Variants in GRID2 observed in about 807,000 individuals in gnomAD.
GRID2 encodes the protein glutamate ionotropic receptor delta type subunit 2.
A neutral mutation model predicts 114.8 loss-of-function variants in GRID2; 33 were observed. The observed-to-expected ratio is 0.29, with a 90% CI of 0.22 to 0.38. GRID2 has a LOEUF of 0.38. Among genes scored for constraint, GRID2 ranks in the 10% least tolerant of loss-of-function variants. The pLI is 1.00. For missense variants in GRID2, 1,184 were observed against 1,257.7 expected, an observed-to-expected ratio of 0.94 and a Z score of 0.89; for synonymous variants, 505 against 449.9, an observed-to-expected ratio of 1.12 and a Z score of -1.55.
At position 93,668,200 on chromosome 4, in the gene GRID2, TTC is replaced by T. The variant is rs540504105; in HGVS notation, c.2360+41769_2360+41770del. Among the ~76,000 whole-genome samples, 752 of 152,140 alleles carry T rather than the reference TTC, an allele frequency of 4.9e-3. 5 individuals are homozygous for T. Among genetic ancestry groups the T allele is most frequent in the African/African-American group, 0.017 (720 of 41,564 alleles). ...AGCTTTTCACTCAAGCATTACACATTTCTCTGTCTTTATAAACAGAGTATTTT... is the reference window on the plus strand; with the variant it reads ...AGCTTTTCACTCAAGCATTACACATTTCTGTCTTTATAAACAGAGTATTTT... On this transcript the variant is annotated intron_variant, in intron 14 of 15. Transcript: ENST00000282020.
intron 4 of GRID2, among the ~76,000 whole-genome samples, chr4:93,199,679 T>C (rs1260177970): frequency 6.6e-6 from 1 of 152,038 alleles, no homozygotes; most frequent in Non-Finnish European, 1.5e-5. Context: ...AGAAGACAGT[T>C]GAGGATCCAT....
chr4:93,763,872 C>T (rs1175287635), intron 14 of GRID2, among the ~76,000 whole-genome samples: 2 of 152,092 alleles, frequency 1.3e-5, no homozygotes, highest in Non-Finnish European at 2.9e-5. Flanking sequence ...TCTTAGGTAA[C>T]CAGTAACCAG....
At chr4:92,495,713 AC>A (rs1723355479) in intron 1 of GRID2, among the ~76,000 whole-genome samples, 1 of 151,922 alleles carries the variant, frequency 6.6e-6, no homozygotes, top group Non-Finnish European at 1.5e-5. Flanking sequence ...TATAAATAAA[AC>A]ATTACAAAAT....
intron 1 of GRID2, among the ~76,000 whole-genome samples, chr4:92,308,816 T>G (rs543543761): frequency 7.2e-5 from 11 of 152,152 alleles, no homozygotes; most frequent in African/African-American, 2.6e-4. Context: ...TTTTTTGGAT[T>G]GTGTAAGATG....
At chr4:93,620,360 A>T (rs1742100283) in intron 13 of GRID2, among the ~76,000 whole-genome samples, 2 of 152,186 alleles carry the variant, frequency 1.3e-5, no homozygotes, top group Non-Finnish European at 2.9e-5. Context: ...TGAGCTTTTA[A>T]GAAATTTACT....
intron 2 of GRID2, among the ~76,000 whole-genome samples, chr4:92,593,856 T>A (rs1328624168): frequency 6.7e-6 from 1 of 149,062 alleles, no homozygotes; most frequent in Non-Finnish European, 1.5e-5. Context: ...TCTTGACAAT[T>A]TTTTTTTTCA....
chr4:93,419,957 A>T (rs566246307), intron 9 of GRID2, among the ~76,000 whole-genome samples: 1 of 152,254 alleles, frequency 6.6e-6, no homozygotes, highest in South Asian at 2.1e-4. Flanking sequence ...CCTATGCAAT[A>T]ATTAAATTCA....
chr4:92,911,903 A>G (rs929709599), intron 2 of GRID2, among the ~76,000 whole-genome samples: 1 of 151,854 alleles, frequency 6.6e-6, no homozygotes, highest in East Asian at 1.9e-4. Flanking sequence ...TATTAGAGAT[A>G]ACAAAATATA....
chr4:92,689,876 C>T (rs564874510), intron 2 of GRID2, among the ~76,000 whole-genome samples: 72 of 152,270 alleles, frequency 4.7e-4, no homozygotes, highest in Non-Finnish European at 8.5e-4. Context: ...TCTGTAGCTT[C>T]CTTACCTCAC....
intron 2 of GRID2, among the ~76,000 whole-genome samples, chr4:93,008,228 T>C (rs1578738274): frequency 6.6e-6 from 1 of 151,880 alleles, no homozygotes; most frequent in Admixed American, 6.6e-5. Context: ...AAAATGAGGG[T>C]GACTAAATTC....
At chr4:93,219,844 T>C (rs891167425) in intron 6 of GRID2, among the ~76,000 whole-genome samples, 1 of 151,994 alleles carries the variant, frequency 6.6e-6, no homozygotes, top group Non-Finnish European at 1.5e-5. Flanking sequence ...CTAAGAAAAA[T>C]TGTCTTCAAA....
At chr4:93,202,263 A>G (rs1000351374) in intron 4 of GRID2, among the ~76,000 whole-genome samples, 42 of 152,136 alleles carry the variant, frequency 2.8e-4, no homozygotes, top group African/African-American at 8.7e-4. Flanking sequence ...AATAATCGAA[A>G]ACTTTTTGAA....
chr4:92,442,494 G>T (rs1031927266), intron 1 of GRID2, among the ~76,000 whole-genome samples: 2 of 152,096 alleles, frequency 1.3e-5, no homozygotes, highest in Admixed American at 6.5e-5. Flanking sequence ...GGAAGTTCTT[G>T]TGTGCTGGAG....
chr4:92,458,522 C>A (rs1447515553), intron 1 of GRID2, among the ~76,000 whole-genome samples: 1 of 152,098 alleles, frequency 6.6e-6, no homozygotes, highest in Non-Finnish European at 1.5e-5. Flanking sequence ...CAGGCTCCAC[C>A]ATTTTTTGTG....
intron 8 of GRID2, among the ~76,000 whole-genome samples, chr4:93,273,123 T>C (rs1168094246): frequency 6.6e-6 from 1 of 152,250 alleles, no homozygotes; most frequent in Non-Finnish European, 1.5e-5. Context: ...TATGTATTTA[T>C]GCAGTTATTG....
intron 2 of GRID2, among the ~76,000 whole-genome samples, chr4:93,048,429 T>C (rs929801475): frequency 2.0e-5 from 3 of 152,092 alleles, no homozygotes; most frequent in Non-Finnish European, 2.9e-5. Context: ...CTTCTCAGGA[T>C]ACCTTCTCAG....
intron 13 of GRID2, among the ~76,000 whole-genome samples, chr4:93,548,324 C>T (rs1733425794): frequency 6.6e-6 from 1 of 152,170 alleles, no homozygotes; most frequent in Non-Finnish European, 1.5e-5. Flanking sequence ...GAAGTACATA[C>T]TAGAAAATGT....
chr4:93,368,860 G>T (rs533753238), intron 8 of GRID2, among the ~76,000 whole-genome samples: 8 of 152,274 alleles, frequency 5.3e-5, no homozygotes, highest in African/African-American at 1.9e-4. Context: ...AAGTCGTAGT[G>T]AGTTGGCAAG....
chr4:92,530,462 G>A (rs942015615), intron 1 of GRID2, among the ~76,000 whole-genome samples: 2 of 142,144 alleles, frequency 1.4e-5, no homozygotes, highest in Non-Finnish European at 3.0e-5. Flanking sequence ...AGTGAGAATA[G>A]TGGAAAAAGT....
Sources: allele counts gnomAD v4.1 joint callset (sites outside exome capture counted in the v4.1 genomes callset), GRCh38; gene constraint gnomAD v4.1.1; transcripts MANE v1.5; gene names NCBI Gene and HGNC (gene_info 2026-07-23, HGNC 2026-07-21).